The following LATS1 variants were observed in gnomAD, a reference collection of about 807,000 sequenced individuals.
The protein encoded by LATS1 is serine/threonine-protein kinase LATS1.
Under a neutral mutation model 106.6 loss-of-function variants are expected in LATS1, and 25 were observed. That is an observed-to-expected ratio of 0.23 (90% CI 0.17 to 0.33). The LOEUF is 0.33. LATS1 is among the 10% of genes least tolerant of loss of function. The probability of loss-of-function intolerance (pLI) is 1.00; values close to 1 mark genes in which losing one functional copy is unlikely to be tolerated. For missense variants in LATS1, 1,040 were observed against 1,382.6 expected, an observed-to-expected ratio of 0.75 and a Z score of 3.93; for synonymous variants, 465 against 455.6, an observed-to-expected ratio of 1.02 and a Z score of -0.26.
intron 7 of LATS1, among the ~76,000 whole-genome samples, chr6:149,665,844 A>G (rs1781114098): frequency 6.6e-6 from 1 of 152,136 alleles, no homozygotes; most frequent in Admixed American, 6.6e-5. Flanking sequence ...AAAATTCTCC[A>G]TAAGATCCAG....
intron 7 of LATS1, among the ~76,000 whole-genome samples, chr6:149,673,140 A>G (rs1351890189): frequency 3.7e-5 from 5 of 136,468 alleles, no homozygotes; most frequent in Non-Finnish European, 7.7e-5. Context: ...TCTATTACCC[A>G]GGCTGGAGTG....
At chr6:149,680,793 T>C (rs372849378) in intron 4 of LATS1, among the ~76,000 whole-genome samples, 5 of 149,522 alleles carry the variant, frequency 3.3e-5, no homozygotes, top group African/African-American at 1.2e-4. Context: ...TCTGTTAACA[T>C]GTTAACATGC....
chr6:149,661,117 G>C lies in LATS1; in HGVS notation c.*612C>G. On this transcript the variant is annotated 3_prime_UTR_variant, in exon 8 of 8. Transcript: ENST00000543571. ...TAAATATTCCATGGGGCGGGGGGTG[G>C]GGGGGAAGATAAATGCATTATTTTT... 1 of 107,506 alleles carries C rather than the reference G, an allele frequency of 9.3e-6. No homozygotes were observed. Among genetic ancestry groups the C allele is most frequent in the Non-Finnish European group, 1.7e-5 (1 of 58,424 alleles). 6.7% of individuals were successfully genotyped at this position (107,506 alleles called of 1,614,324 possible).
intron 1 of LATS1, among the ~76,000 whole-genome samples, chr6:149,703,702 A>T (rs75234914): frequency 6.1e-5 from 9 of 148,052 alleles, no homozygotes; most frequent in Admixed American, 1.4e-4. Flanking sequence ...TGTCTACATT[A>T]AAAAAAAAAA....
rs1317346649 is a variant in LATS1 at position 149,661,891 on chromosome 6, T to C, written c.3231A>G (p.Glu1077=). ...CATCAAAAAACCTTCGGAAGGTAAA[T>C]TCATAGAATGCATGTTCAGGATGCT... ...NGKHPEHAFY[E]FTFRRFFDDN... The change falls in exon 8 of 8, where the codon GAA becomes GAG. Residue 1077 remains glutamate (E), a synonymous_variant. Transcript: ENST00000543571. The C allele has an allele frequency of 6.2e-7, 1 of 1,614,044 alleles. No individual in the cohort carries two copies.
At chr6:149,665,398 A>T (rs2114695462) in intron 7 of LATS1, among the ~76,000 whole-genome samples, 1 of 152,268 alleles carries the variant, frequency 6.6e-6, no homozygotes, top group East Asian at 1.9e-4. Flanking sequence ...GGGTCCCAAG[A>T]AGATGGGTTG....
chr6:149,672,960 G>A (rs577549026), intron 7 of LATS1, among the ~76,000 whole-genome samples: 4 of 151,834 alleles, frequency 2.6e-5, no homozygotes, highest in South Asian at 2.1e-4. Context: ...AAACAACAAC[G>A]AAGAAATGGA....
chr6:149,671,987 C>G (rs1781465925), intron 7 of LATS1, among the ~76,000 whole-genome samples: 1 of 151,640 alleles, frequency 6.6e-6, no homozygotes, highest in Admixed American at 6.6e-5. Context: ...CTCCCAGATT[C>G]AAGCTATTTT....
At chr6:149,702,430 C>T (rs946978437) in intron 1 of LATS1, 164 bp from the exon 2 acceptor site, 1 of 248,044 alleles carries the variant, frequency 4.0e-6, no homozygotes, top group Non-Finnish European at 7.7e-6. Flanking sequence ...TCTCTCCATG[C>T]CTACTTCCTA....
intron 1 of LATS1, among the ~76,000 whole-genome samples, chr6:149,705,116 GC>G (rs1215904341): frequency 3.3e-5 from 5 of 150,954 alleles, no homozygotes; most frequent in Admixed American, 3.3e-4. Flanking sequence ...CTTTTTCATT[GC>G]CTGAAAATTG....
At chr6:149,704,483 T>C (rs185418686) in intron 1 of LATS1, among the ~76,000 whole-genome samples, 33 of 135,320 alleles carry the variant, frequency 2.4e-4, no homozygotes, top group Admixed American at 5.2e-4. Flanking sequence ...AACTTAGGGG[T>C]TTTTTTTTTG....
At chr6:149,705,973 C>G (rs561142299) in intron 1 of LATS1, among the ~76,000 whole-genome samples, 2 of 151,762 alleles carry the variant, frequency 1.3e-5, no homozygotes, top group African/African-American at 4.8e-5. Context: ...CACCTGAGGT[C>G]GGGAGTTTGA....
intron 4 of LATS1, among the ~76,000 whole-genome samples, chr6:149,682,711 A>G (rs1782121232): frequency 6.6e-6 from 1 of 151,994 alleles, no homozygotes; most frequent in African/African-American, 2.4e-5. Flanking sequence ...CCCATGCCCC[A>G]GCCTGAGACC....
intron 5 of LATS1, 66 bp from the exon 6 acceptor site, chr6:149,676,803 T>A: frequency 7.1e-7 from 1 of 1,405,780 alleles, no homozygotes; most frequent in Non-Finnish European, 9.8e-7. Context: ...GTCTATTTAA[T>A]CTTCTGACAT....
chr6:149,704,323 A>G (rs910618366), intron 1 of LATS1, among the ~76,000 whole-genome samples: 1 of 152,056 alleles, frequency 6.6e-6, no homozygotes, highest in African/African-American at 2.4e-5. Context: ...GTTCTATATA[A>G]TGTACAGATA....
At chr6:149,701,523 G>A (rs1582911691) in intron 2 of LATS1, among the ~76,000 whole-genome samples, 1 of 152,116 alleles carries the variant, frequency 6.6e-6, no homozygotes, top group African/African-American at 2.4e-5. Flanking sequence ...CTTCCATTAT[G>A]ACTTCATGAT....
rs939604445 is a variant in LATS1 at position 149,658,527 on chromosome 6, A to C, written c.*3202T>G. The C allele has an allele frequency of 1.3e-5, 2 of 152,216 alleles. No individual in the cohort carries two copies. Among genetic ancestry groups the C allele is most frequent in the Non-Finnish European group, 2.9e-5 (2 of 68,022 alleles). The allele number at this position is 152,216 out of a possible 1,614,324, so 9.4% of individuals were successfully genotyped here. A position where few individuals can be genotyped will look rare whatever the true frequency, so the allele number is the denominator to read the frequency against. On this transcript the variant is annotated 3_prime_UTR_variant, in exon 8 of 8. Transcript: ENST00000543571. ...GAACAGGCTAAATGTTCCACTTTAA[A>C]TACCAAAGGGATGTTTATTAAAAAT... is the stretch of plus-strand genomic sequence containing the variant.
rs372892848 is a variant in LATS1 at position 149,702,271 on chromosome 6, A to AAAAG, written c.-140-9_-140-6dup. 3.7e-5 allele frequency: 21 copies of AAAAG among 571,492 alleles called. No homozygotes were observed. The highest frequency in any genetic ancestry group is 5.6e-5 in the African/African-American group (3 of 53,654). The allele number at this position is 571,492 out of a possible 1,614,324, so 35.4% of individuals were successfully genotyped here. ...TTACAATATAAATAATTAACTCTGTAAAAGAAAGAAAGAAAGGAAAGCTAT... is the reference window on the plus strand; with the variant it reads ...TTACAATATAAATAATTAACTCTGTAAAAGAAAGAAAGAAAGAAAGGAAAGCTAT... On this transcript the variant is annotated splice_polypyrimidine_tract_variant and splice_region_variant and intron_variant, in intron 1 of 7. Coordinates refer to ENST00000543571, the MANE Select transcript of LATS1 (RefSeq NM_004690.4).
intron 4 of LATS1, 100 bp from the exon 5 acceptor site, chr6:149,680,557 A>C: frequency 1.3e-6 from 1 of 798,778 alleles, no homozygotes; most frequent in Non-Finnish European, 2.0e-6. Context: ...TAAAGGTTAA[A>C]TGCATAATTT....
Sources: allele counts gnomAD v4.1 joint callset (sites outside exome capture counted in the v4.1 genomes callset), GRCh38; gene constraint gnomAD v4.1.1; transcripts MANE v1.5; gene names NCBI Gene and HGNC (gene_info 2026-07-23, HGNC 2026-07-21).